Variants in NPAS3 observed in about 807,000 individuals in gnomAD.
The protein encoded by NPAS3 is neuronal PAS domain-containing protein 3.
In NPAS3, 14 loss-of-function variants were observed where a neutral mutation model predicts 73.1. The observed-to-expected ratio is 0.19, with a 90% CI of 0.13 to 0.30. The LOEUF is 0.30. Among genes scored for constraint, NPAS3 ranks in the 10% least tolerant of loss-of-function variants. The pLI, the probability that NPAS3 is intolerant of heterozygous loss-of-function variation, is 1.00. For synonymous variants in NPAS3, 620 were observed against 541.5 expected (o/e 1.14, Z -2.01); for missense variants, 1,096 against 1,250.0 (o/e 0.88, Z 1.86).
chr14:33,186,798 AC>A (rs1289500369), intron 2 of NPAS3, among the ~76,000 whole-genome samples: 2 of 151,866 alleles, frequency 1.3e-5, no homozygotes, highest in Non-Finnish European at 2.9e-5. Flanking sequence ...CCCTGAGATC[AC>A]TCTAGTGCAG....
chr14:33,723,313 T>C (rs17488796), intron 6 of NPAS3, among the ~76,000 whole-genome samples: 59,955 of 152,002 alleles, frequency 0.39, 13,723 homozygotes, highest in Non-Finnish European at 0.52. Context: ...CATTAAATCT[T>C]TATTCTTCTA....
intron 4 of NPAS3, among the ~76,000 whole-genome samples, chr14:33,492,428 A>G (rs2051947039): frequency 6.6e-6 from 1 of 152,164 alleles, no homozygotes; most frequent in South Asian, 2.1e-4. Context: ...AACAGCAGGC[A>G]GAGGAAGAGA....
intron 4 of NPAS3, among the ~76,000 whole-genome samples, chr14:33,518,676 A>G (rs1459826072): frequency 7.3e-6 from 1 of 137,726 alleles, no homozygotes; most frequent in East Asian, 2.1e-4. Flanking sequence ...TCCTTCCTCC[A>G]CCCTTTCATC....
chr14:32,938,294 C>CG (rs1322855557), upstream of NPAS3, among the ~76,000 whole-genome samples: 2 of 152,018 alleles, frequency 1.3e-5, no homozygotes, highest in Admixed American at 6.5e-5. Flanking sequence ...AAGGAGCTCC[C>CG]GGGACTGTGT....
chr14:33,316,002 CA>C (rs1431941166), intron 3 of NPAS3, among the ~76,000 whole-genome samples: 4 of 151,984 alleles, frequency 2.6e-5, no homozygotes, highest in African/African-American at 9.7e-5. Context: ...AACAGTGTCT[CA>C]AAAAAGTGAA....
chr14:33,218,582 C>T (rs1432008953), intron 3 of NPAS3, among the ~76,000 whole-genome samples: 1 of 152,040 alleles, frequency 6.6e-6, no homozygotes, highest in Non-Finnish European at 1.5e-5. Flanking sequence ...GTTCATAATC[C>T]AGCAATAAAA....
At chr14:33,439,235 A>G (rs1289038823) in intron 4 of NPAS3, among the ~76,000 whole-genome samples, 1 of 152,190 alleles carries the variant, frequency 6.6e-6, no homozygotes, top group African/African-American at 2.4e-5. Context: ...ATAGAGAGAG[A>G]CTAAGGCTGT....
At chr14:33,222,731 GT>G (rs753050889) in intron 3 of NPAS3, among the ~76,000 whole-genome samples, 35 of 152,254 alleles carry the variant, frequency 2.3e-4, no homozygotes, top group South Asian at 1.9e-3. Context: ...AAGTTGAATT[GT>G]GTAGAATTGA....
chr14:33,402,204 C>G (rs1415738890), intron 4 of NPAS3, among the ~76,000 whole-genome samples: 1 of 151,994 alleles, frequency 6.6e-6, no homozygotes, highest in Non-Finnish European at 1.5e-5. Context: ...CTTTCAAAAG[C>G]AACATTTGCT....
rs115383398 is a variant in NPAS3, at chr14:33,512,167, G to A, written c.469-47954G>A. Among the ~76,000 whole-genome samples, 610 of 152,088 alleles carry A rather than the reference G, an allele frequency of 4.0e-3. 2 individuals carry two copies. The highest frequency in any genetic ancestry group is 0.013 in the African/African-American group (522 of 41,526). ...AATCTTTTTTCCTATGTTAATTTGC[G>A]TTTGTTCATAGCATTTTTAATATCA... On this transcript the variant is annotated intron_variant, in intron 4 of 11. Coordinates refer to ENST00000356141, the Ensembl canonical transcript of NPAS3.
chr14:33,297,932 T>C (rs1237951954), intron 3 of NPAS3, among the ~76,000 whole-genome samples: 4 of 152,180 alleles, frequency 2.6e-5, no homozygotes, highest in Admixed American at 6.5e-5. Context: ...TTTGTAAAGG[T>C]GCACATACTG....
chr14:33,112,033 T>C (rs908178861), intron 2 of NPAS3, among the ~76,000 whole-genome samples: 1 of 152,120 alleles, frequency 6.6e-6, no homozygotes, highest in Non-Finnish European at 1.5e-5. Flanking sequence ...TATTCCATGG[T>C]GTATATATGC....
At chr14:33,428,310 ATAG>A (rs2048638500) in intron 4 of NPAS3, among the ~76,000 whole-genome samples, 1 of 152,102 alleles carries the variant, frequency 6.6e-6, no homozygotes, top group Non-Finnish European at 1.5e-5. Flanking sequence ...TATCTATTTC[ATAG>A]TATTATTAGA....
At chr14:33,267,582 GC>G (rs2040874239) in intron 3 of NPAS3, among the ~76,000 whole-genome samples, 1 of 152,106 alleles carries the variant, frequency 6.6e-6, no homozygotes, top group African/African-American at 2.4e-5. Flanking sequence ...TATAATATAA[GC>G]CAATATTCTT....
intron 2 of NPAS3, among the ~76,000 whole-genome samples, chr14:33,204,010 A>G (rs2046725560): frequency 6.6e-6 from 1 of 152,102 alleles, no homozygotes; most frequent in South Asian, 2.1e-4. Flanking sequence ...AATGACTGCC[A>G]TTCTAACTGG....
chr14:33,099,353 A>G (rs1484199291), intron 2 of NPAS3, among the ~76,000 whole-genome samples: 5 of 152,218 alleles, frequency 3.3e-5, no homozygotes, highest in Admixed American at 6.5e-5. Flanking sequence ...TTGCGTATTC[A>G]TACATACATA....
At chr14:33,068,742 C>A (rs2041368586) in intron 2 of NPAS3, among the ~76,000 whole-genome samples, 1 of 152,266 alleles carries the variant, frequency 6.6e-6, no homozygotes, top group African/African-American at 2.4e-5. Context: ...GACATTTGAG[C>A]AATGACTGTA....
intron 5 of NPAS3, among the ~76,000 whole-genome samples, chr14:33,668,753 A>G (rs191415565): frequency 7.0e-4 from 106 of 152,292 alleles, no homozygotes; most frequent in Non-Finnish European, 1.3e-3. Context: ...CAGGAGGCGG[A>G]GGTTGCAGAG....
At chr14:32,961,281 G>A (rs552180525) in intron 1 of NPAS3, among the ~76,000 whole-genome samples, 10 of 151,912 alleles carry the variant, frequency 6.6e-5, no homozygotes, top group Admixed American at 1.3e-4. Flanking sequence ...GTGTGGTGGC[G>A]CGTGCCTGTA....
Sources: gnomAD v4.1 joint callset for allele counts (sites outside exome capture counted in the v4.1 genomes callset) on GRCh38, gnomAD v4.1.1 for gene constraint, MANE v1.5 for transcripts, NCBI Gene and HGNC (gene_info 2026-07-23, HGNC 2026-07-21) for gene names.